CHSY1: variants seen among roughly 807,000 people sequenced by gnomAD.
CHSY1 encodes N-acetylgalactosaminyl-proteoglycan 3-beta-glucuronosyltransferase 1.
Under a neutral mutation model 59.8 loss-of-function variants are expected in CHSY1, and 13 were observed. That is an observed-to-expected ratio of 0.22 (90% CI 0.14 to 0.35). The LOEUF (loss-of-function observed/expected upper bound fraction) is 0.35, where lower values mean the gene tolerates loss of function less well. CHSY1 is among the 10% of genes least tolerant of loss of function. The pLI, the probability that CHSY1 is intolerant of heterozygous loss-of-function variation, is 1.00. For missense variants in CHSY1, 947 were observed against 1,030.6 expected, an observed-to-expected ratio of 0.92 and a Z score of 1.11; for synonymous variants, 459 against 401.2, an observed-to-expected ratio of 1.14 and a Z score of -1.72.
chr15:101,246,956 T>A (rs549138031), intron 1 of CHSY1, among the ~76,000 whole-genome samples: 38 of 152,234 alleles, frequency 2.5e-4, no homozygotes, highest in Non-Finnish European at 5.0e-4. Context: ...CAAGCTGTCC[T>A]TAATTTGCAT....
intron 2 of CHSY1, among the ~76,000 whole-genome samples, chr15:101,196,780 T>C (rs1004398518): frequency 6.6e-6 from 1 of 152,200 alleles, no homozygotes; most frequent in East Asian, 1.9e-4. Flanking sequence ...TCCCAGCACT[T>C]TGGGAGGTCA....
At position 101,192,060 on chromosome 15, in the gene CHSY1, T is replaced by C. The variant is rs115120851; in HGVS notation, c.817-13080A>G. Among the ~76,000 whole-genome samples, 278 of 152,288 alleles carry C rather than the reference T, an allele frequency of 1.8e-3. 4 individuals carry two copies. Among genetic ancestry groups the C allele is most frequent in the African/African-American group, 6.4e-3 (264 of 41,572 alleles). ...CAGTATTCTAAACTAAAAAGCCCTA[T>C]ACAAAAAGAAGAGAGAAATATTTTT... On this transcript the variant is annotated intron_variant, in intron 2 of 2. Transcript: ENST00000254190.
At chr15:101,222,301 C>T (rs1260158364) in intron 2 of CHSY1, among the ~76,000 whole-genome samples, 1 of 152,220 alleles carries the variant, frequency 6.6e-6, no homozygotes, top group Non-Finnish European at 1.5e-5. Flanking sequence ...ACAGCGACAT[C>T]ATTTTTGTGT....
chr15:101,209,395 C>T (rs1386985219), intron 2 of CHSY1, among the ~76,000 whole-genome samples: 5 of 152,094 alleles, frequency 3.3e-5, no homozygotes, highest in Non-Finnish European at 1.5e-5. Flanking sequence ...TGCCAGTGTT[C>T]GTAAAATGCC....
At chr15:101,244,350 A>G (rs1402697370) in intron 1 of CHSY1, among the ~76,000 whole-genome samples, 1 of 152,230 alleles carries the variant, frequency 6.6e-6, no homozygotes, top group Non-Finnish European at 1.5e-5. Flanking sequence ...CGGTTGTGAC[A>G]CTAACCAAGT....
At chr15:101,203,184 AG>A (rs996848510) in intron 2 of CHSY1, among the ~76,000 whole-genome samples, 3 of 152,142 alleles carry the variant, frequency 2.0e-5, no homozygotes, top group Non-Finnish European at 4.4e-5. Context: ...CCCCTGAAAT[AG>A]GGGGGGTGAG....
intron 2 of CHSY1, among the ~76,000 whole-genome samples, chr15:101,190,889 C>T (rs1711904043): frequency 6.6e-6 from 1 of 152,154 alleles, no homozygotes; most frequent in Non-Finnish European, 1.5e-5. Flanking sequence ...TGCCACGACA[C>T]ACCTAGTAGA....
At chr15:101,205,962 AAAG>A (rs562820786) in intron 2 of CHSY1, among the ~76,000 whole-genome samples, 13 of 152,290 alleles carry the variant, frequency 8.5e-5, no homozygotes, top group African/African-American at 2.9e-4. Flanking sequence ...AAAAAAAAAA[AAAG>A]AAGATTGTTT....
rs1218137543 is a variant in CHSY1, at chr15:101,177,187, A to G, written c.*201T>C. 3.7e-6 allele frequency: 2 copies of G among 536,160 alleles called. No individual in the cohort carries two copies. The highest frequency in any genetic ancestry group is 3.2e-6 in the Non-Finnish European group (1 of 308,110). 33.2% of individuals were successfully genotyped at this position (536,160 alleles called of 1,614,324 possible). A position where few individuals can be genotyped will look rare whatever the true frequency, so the allele number is the denominator to read the frequency against. ...AGTCAAAGTTAAGCAGGTCTGCTAC[A>G]TAATGTTCAGCAAGAAGATGTGTTC... On this transcript the variant is annotated 3_prime_UTR_variant, in exon 3 of 3. Coordinates refer to ENST00000254190, the MANE Select transcript of CHSY1 (RefSeq NM_014918.5).
chr15:101,175,871 T>C lies in CHSY1; in HGVS notation c.*1517A>G, dbSNP rs2141232554. The C allele has an allele frequency of 6.0e-6, 1 of 166,978 alleles. No individual in the cohort carries two copies. Among genetic ancestry groups the C allele is most frequent in the East Asian group, 1.7e-4 (1 of 5,968 alleles). 10.3% of individuals were successfully genotyped at this position (166,978 alleles called of 1,614,324 possible). On this transcript the variant is annotated 3_prime_UTR_variant, in exon 3 of 3. Coordinates refer to ENST00000254190, the MANE Select transcript of CHSY1 (RefSeq NM_014918.5). ...AAATGAGCATCAGGCTATTTACAAA[T>C]ACGCAGCCCTCCAATGACGTGTATT...
intron 2 of CHSY1, among the ~76,000 whole-genome samples, chr15:101,229,279 C>G (rs948996523): frequency 2.0e-5 from 3 of 152,110 alleles, no homozygotes; most frequent in Non-Finnish European, 4.4e-5. Flanking sequence ...TGGCAGAATG[C>G]ATTTTTTAAA....
chr15:101,207,946 C>T (rs1051083825), intron 2 of CHSY1, among the ~76,000 whole-genome samples: 1 of 152,172 alleles, frequency 6.6e-6, no homozygotes, highest in Non-Finnish European at 1.5e-5. Context: ...TCAGGTAGGC[C>T]GCCAACCCTT....
At chr15:101,236,607 G>A (rs1596453169) in intron 1 of CHSY1, among the ~76,000 whole-genome samples, 1 of 152,066 alleles carries the variant, frequency 6.6e-6, no homozygotes, top group South Asian at 2.1e-4. Flanking sequence ...GGATCATGAG[G>A]TCAGGAGATT....
rs1313153150 is a variant in CHSY1, at chr15:101,241,740, T to G, written c.321-6163A>C. 2.0e-5 allele frequency among the ~76,000 whole-genome samples: 3 copies of G among 152,216 alleles called. No individual in the cohort carries two copies. The East Asian group carries it at 5.8e-4, about 29-fold the overall frequency. On this transcript the variant is annotated intron_variant, in intron 1 of 2. Transcript: ENST00000254190. ...ACGGCAGTCAGTTTAAAAGGACTCA[T>G]GATAAAATCATCTTGGAAGTTAAAG...
intron 2 of CHSY1, among the ~76,000 whole-genome samples, chr15:101,204,581 A>T (rs1338440125): frequency 6.6e-6 from 1 of 151,812 alleles, no homozygotes; most frequent in Non-Finnish European, 1.5e-5. Context: ...TTTCAAAATA[A>T]AAATTGCCCC....
rs1405056701 is a variant in CHSY1, at chr15:101,175,871, T to TA, written c.*1516dup. ...AAATGAGCATCAGGCTATTTACAAA[T>TA]ACGCAGCCCTCCAATGACGTGTATT... is the stretch of plus-strand genomic sequence containing the variant. On this transcript the variant is annotated 3_prime_UTR_variant, in exon 3 of 3. Coordinates refer to ENST00000254190, the MANE Select transcript of CHSY1 (RefSeq NM_014918.5). 3 of 166,978 alleles carry TA rather than the reference T, an allele frequency of 1.8e-5. No individual in the cohort carries two copies. Among genetic ancestry groups the TA allele is most frequent in the East Asian group, 3.4e-4 (2 of 5,968 alleles). 10.3% of individuals were successfully genotyped at this position (166,978 alleles called of 1,614,324 possible). A position where few individuals can be genotyped will look rare whatever the true frequency, so the allele number is the denominator to read the frequency against.
At chr15:101,193,425 C>T (rs543630637) in intron 2 of CHSY1, among the ~76,000 whole-genome samples, 28 of 152,346 alleles carry the variant, frequency 1.8e-4, no homozygotes, top group African/African-American at 6.0e-4. Flanking sequence ...CTGAAGAATA[C>T]GCTGTGCTCT....
Position 101,234,969 on chromosome 15 carries a change from C to G in CHSY1, c.816+113G>C, listed in dbSNP as rs577633624. The G allele has an allele frequency of 2.3e-5, 31 of 1,376,418 alleles. No homozygotes were observed. In the African/African-American group the frequency reaches 4.1e-4, roughly 18 times the overall value. The allele number at this position is 1,376,418 out of a possible 1,614,324, so 85.3% of individuals were successfully genotyped here. A position where few individuals can be genotyped will look rare whatever the true frequency, so the allele number is the denominator to read the frequency against. On this transcript the variant is annotated intron_variant, in intron 2 of 2. Coordinates refer to ENST00000254190, the MANE Select transcript of CHSY1 (RefSeq NM_014918.5). ...CTAAGGCTAAAAATGTAGAATAATA[C>G]CAACTTCAACCCTCAAAGAGGATAT...
intron 1 of CHSY1, among the ~76,000 whole-genome samples, chr15:101,249,707 G>T (rs1001584784): frequency 6.6e-6 from 1 of 152,092 alleles, no homozygotes; most frequent in East Asian, 1.9e-4. Context: ...TAGAGACGGG[G>T]TTTCACCATA....
Sources: gnomAD v4.1 joint callset for allele counts (sites outside exome capture counted in the v4.1 genomes callset) on GRCh38, gnomAD v4.1.1 for gene constraint, MANE v1.5 for transcripts, NCBI Gene and HGNC (gene_info 2026-07-23, HGNC 2026-07-21) for gene names.